The following SRSF10 variants were observed in gnomAD, a reference collection of about 807,000 sequenced individuals.
SRSF10 encodes serine/arginine-rich splicing factor 10.
Under a neutral mutation model 32.6 loss-of-function variants are expected in SRSF10, and 9 were observed. The ratio of observed to expected loss-of-function variants is 0.28; its 90% CI spans 0.17 to 0.48. The LOEUF is 0.48. SRSF10 is among the 20% of genes least tolerant of loss of function. The pLI is 0.99. For missense variants in SRSF10, 201 were observed against 331.8 expected, an observed-to-expected ratio of 0.61 and a Z score of 3.06; for synonymous variants, 105 against 112.4, an observed-to-expected ratio of 0.93 and a Z score of 0.42.
rs1180461934 is a variant in SRSF10 at position 23,967,932 on chromosome 1, C to T, written c.*3210G>A. The T allele has an allele frequency of 6.5e-7, 1 of 1,540,406 alleles. No homozygotes were observed. The highest frequency in any genetic ancestry group is 1.2e-5 in the South Asian group (1 of 83,608). On this transcript the variant is annotated 3_prime_UTR_variant, in exon 6 of 6. Coordinates refer to ENST00000492112, the MANE Select transcript of SRSF10 (RefSeq NM_054016.4). ...TTCCTCTCTCACTGAAGCATTATCT[C>T]TCATTTTTCTTCTTGCTTACTTGGC... is the stretch of plus-strand genomic sequence containing the variant.
At chr1:23,971,777 A>G in intron 4 of SRSF10, 73 bp downstream of exon 4, 11 of 1,525,178 alleles carry the variant, frequency 7.2e-6, no homozygotes, top group Non-Finnish European at 9.8e-6. Flanking sequence ...AAAGTATACA[A>G]AATAGTAAAA....
rs760767444 is a variant in SRSF10, at chr1:23,968,280, C to A, written c.*2862G>T. On this transcript the variant is annotated 3_prime_UTR_variant, in exon 6 of 6. Transcript: ENST00000492112. The stretch of plus-strand genomic sequence containing the variant: ...GTCCAAGTCTAAAAATAAGTTGACA[C>A]AAGTAAAAATAAAAATGAAATTAGG... Among the ~76,000 whole-genome samples the A allele has an allele frequency of 6.6e-6, 1 of 152,026 alleles. No individual in the cohort carries two copies. Among genetic ancestry groups the A allele is most frequent in the Admixed American group, 6.6e-5 (1 of 15,254 alleles).
intron 2 of SRSF10, chr1:23,977,780 CACA>C (rs1490599156): frequency 2.7e-5 from 12 of 448,134 alleles, no homozygotes; most frequent in Non-Finnish European, 3.5e-5. Context: ...AGACCACAAT[CACA>C]ACATCAAAGG....
chr1:23,975,473 A>G (rs966093131), intron 2 of SRSF10: 11 of 162,836 alleles, frequency 6.8e-5, no homozygotes, highest in Non-Finnish European at 1.1e-4. Context: ...CCAAAATACT[A>G]TTTTTCATAT....
At chr1:23,971,692 A>G in intron 4 of SRSF10, 66 bp from the exon 5 acceptor site, 3 of 1,562,302 alleles carry the variant, frequency 1.9e-6, no homozygotes, top group Non-Finnish European at 2.6e-6. Context: ...TCTAATTAAA[A>G]GCAAACCATA....
In SRSF10 at chr1:23,968,557, T is replaced by A. The variant is rs968462500; in HGVS notation, c.*2585A>T. Among the ~76,000 whole-genome samples the A allele has an allele frequency of 2.6e-5, 4 of 152,266 alleles. No individual in the cohort carries two copies. Among genetic ancestry groups the A allele is most frequent in the African/African-American group, 7.2e-5 (3 of 41,558 alleles). ...AGTTAACACATAGCCTTTTCAAGTG[T>A]CTGGCACATCATGAATACTTAATAA... On this transcript the variant is annotated 3_prime_UTR_variant, in exon 6 of 6. Transcript: ENST00000492112.
At chr1:23,974,915 A>G in intron 3 of SRSF10, 59 bp downstream of exon 3, 1 of 1,291,414 alleles carries the variant, frequency 7.7e-7, no homozygotes, top group Non-Finnish European at 1.1e-6. Flanking sequence ...ATTCTTAAAA[A>G]AAAATCTCAA....
chr1:23,967,226 T>C lies in SRSF10; in HGVS notation c.*3916A>G, dbSNP rs1641497468. 1 of 156,346 alleles carries C rather than the reference T, an allele frequency of 6.4e-6. No homozygotes were observed. The highest frequency in any genetic ancestry group is 1.4e-5 in the Non-Finnish European group (1 of 70,670). The allele number at this position is 156,346 out of a possible 1,614,324, so 9.7% of individuals were successfully genotyped here. On this transcript the variant is annotated 3_prime_UTR_variant, in exon 6 of 6. Coordinates refer to ENST00000492112, the MANE Select transcript of SRSF10 (RefSeq NM_054016.4). ...AAGCAAATGATTAAGCAGAAAACAC[T>C]GGCACCAAAATAAACAAAGGCAAGA...
chr1:23,977,111 G>A (rs1301573370), intron 2 of SRSF10: 1 of 152,182 alleles, frequency 6.6e-6, no homozygotes, highest in Non-Finnish European at 1.5e-5. Context: ...ATGGAGCTTT[G>A]CAACCAATTC....
chr1:23,970,533 G>C lies in SRSF10; in HGVS notation c.*609C>G. 1.9e-6 allele frequency: 1 copy of C among 532,540 alleles called. No individual in the cohort carries two copies. The highest frequency in any genetic ancestry group is 2.4e-6 in the Non-Finnish European group (1 of 416,926). The allele number at this position is 532,540 out of a possible 1,614,324, so 33.0% of individuals were successfully genotyped here. A position where few individuals can be genotyped will look rare whatever the true frequency, so the allele number is the denominator to read the frequency against. The stretch of plus-strand genomic sequence containing the variant: ...GTGCCACCATGCCCGGATAATTTTT[G>C]TATTTTTAGTAGAGACGGGGTTTCA... On this transcript the variant is annotated 3_prime_UTR_variant, in exon 6 of 6. Coordinates refer to ENST00000492112, the MANE Select transcript of SRSF10 (RefSeq NM_054016.4).
intron 4 of SRSF10, 75 bp downstream of exon 4, chr1:23,971,775 C>T: frequency 6.6e-7 from 1 of 1,521,736 alleles, no homozygotes; most frequent in Non-Finnish European, 8.9e-7. Context: ...TAAAAGTATA[C>T]AAAATAGTAA....
chr1:23,973,126 G>GT (rs1384663950), intron 3 of SRSF10, among the ~76,000 whole-genome samples: 1 of 152,156 alleles, frequency 6.6e-6, no homozygotes, highest in Non-Finnish European at 1.5e-5. Flanking sequence ...CTGGGTTGAG[G>GT]TAACTGCAAA....
intron 2 of SRSF10, chr1:23,977,995 C>A: frequency 1.0e-6 from 1 of 985,412 alleles, no homozygotes; most frequent in Non-Finnish European, 1.2e-6. Context: ...AAGGACTTGT[C>A]ATGAGATGCT....
Position 23,971,385 on chromosome 1 carries a change from C to T in SRSF10, c.546G>A (p.Arg182=). The T allele has an allele frequency of 2.5e-6, 4 of 1,612,198 alleles. No homozygotes were observed. The highest frequency in any genetic ancestry group is 3.4e-6 in the Non-Finnish European group (4 of 1,179,902). Residue 182 remains arginine (R), a synonymous_variant, in exon 6 of 6, where the codon CGG becomes CGA. Coordinates refer to ENST00000492112, the MANE Select transcript of SRSF10 (RefSeq NM_054016.4). The part of the protein sequence containing the change: ...FSRSKSNSRS[R]SKSQPKKEMK... Reference sequence around the variant, plus strand: ...TTTCTTTCTTGGGCTGGGACTTGGACCGTGATCTTGAATTGGATTTAGATC... The same window carrying T: ...TTTCTTTCTTGGGCTGGGACTTGGATCGTGATCTTGAATTGGATTTAGATC...
intron 3 of SRSF10, among the ~76,000 whole-genome samples, chr1:23,974,380 C>T (rs1641956667): frequency 6.6e-6 from 1 of 151,434 alleles, no homozygotes. Context: ...AAGTACGCAG[C>T]GAACATCTGG....
In SRSF10 at chr1:23,964,997, TACAC is replaced by T. The variant is rs1238693145; in HGVS notation, c.*6141_*6144del. On this transcript the variant is annotated 3_prime_UTR_variant, in exon 6 of 6. Transcript: ENST00000492112. Reference sequence around the variant, plus strand: ...ACAAGGGTGAAACAGCTGTTACAAATACACAGAAACATAATAAAGATAACCAACA... The same window carrying T: ...ACAAGGGTGAAACAGCTGTTACAAATAGAAACATAATAAAGATAACCAACA... 4.0e-5 allele frequency: 6 copies of T among 151,770 alleles called. No homozygotes were observed. Among genetic ancestry groups the T allele is most frequent in the Admixed American group, 1.3e-4 (2 of 15,238 alleles). 9.4% of individuals were successfully genotyped at this position (151,770 alleles called of 1,614,324 possible). A position where few individuals can be genotyped will look rare whatever the true frequency, so the allele number is the denominator to read the frequency against.
intron 2 of SRSF10, 186 bp downstream of exon 2, chr1:23,978,527 T>G (rs1164576975): frequency 1.3e-6 from 1 of 790,672 alleles, no homozygotes; most frequent in African/African-American, 1.8e-5. Flanking sequence ...AATTTATATA[T>G]TTTACCATTT....
rs1392166480 is a variant in SRSF10 at position 23,968,223 on chromosome 1, C to T, written c.*2919G>A. Among the ~76,000 whole-genome samples the T allele has an allele frequency of 1.3e-5, 2 of 152,000 alleles. No individual in the cohort carries two copies. The highest frequency in any genetic ancestry group is 2.1e-4 in the South Asian group (1 of 4,824). ...GTCCTTTTGAAGCTGTTAGGTGTGT[C>T]GCTTTAGGAACAACATATAAGATTC... On this transcript the variant is annotated 3_prime_UTR_variant, in exon 6 of 6. Coordinates refer to ENST00000492112, the MANE Select transcript of SRSF10 (RefSeq NM_054016.4).
Position 23,969,748 on chromosome 1 carries a change from C to A in SRSF10, c.*1394G>T. Reference sequence around the variant, plus strand: ...TATAAATGGTTTAAGGGTATTACTTCATTTTTAGTCAGGTACTACACTGAT... The same window carrying A: ...TATAAATGGTTTAAGGGTATTACTTAATTTTTAGTCAGGTACTACACTGAT... On this transcript the variant is annotated 3_prime_UTR_variant, in exon 6 of 6. Transcript: ENST00000492112. 1 of 985,296 alleles carries A rather than the reference C, an allele frequency of 1.0e-6. No individual in the cohort carries two copies. The highest frequency in any genetic ancestry group is 1.2e-6 in the Non-Finnish European group (1 of 829,832). The allele number at this position is 985,296 out of a possible 1,614,324, so 61.0% of individuals were successfully genotyped here. A position where few individuals can be genotyped will look rare whatever the true frequency, so the allele number is the denominator to read the frequency against.
Sources: gnomAD v4.1 joint callset for allele counts (sites outside exome capture counted in the v4.1 genomes callset) on GRCh38, gnomAD v4.1.1 for gene constraint, MANE v1.5 for transcripts, NCBI Gene and HGNC (gene_info 2026-07-23, HGNC 2026-07-21) for gene names.